The following CWF19L2 variants were observed in gnomAD, a reference collection of about 807,000 sequenced individuals.
The protein encoded by CWF19L2 is CWF19-like protein 2.
Under a neutral mutation model 111.7 loss-of-function variants are expected in CWF19L2, and 98 were observed. That is an observed-to-expected ratio of 0.88 (90% CI 0.75 to 1.04). The LOEUF (loss-of-function observed/expected upper bound fraction) is 1.04. Among genes scored for constraint, CWF19L2 ranks in the 50% least tolerant of loss-of-function variants. The pLI, the probability that CWF19L2 is intolerant of heterozygous loss-of-function variation, is 0.00. For synonymous variants in CWF19L2, 351 were observed against 342.9 expected, an observed-to-expected ratio of 1.02 and a Z score of -0.26; for missense variants, 1,101 against 1,051.4, an observed-to-expected ratio of 1.05 and a Z score of -0.65.
At chr11:107,438,731 C>A (rs748049294) in intron 6 of CWF19L2, among the ~76,000 whole-genome samples, 6 of 152,084 alleles carry the variant, frequency 3.9e-5, no homozygotes, top group Non-Finnish European at 7.4e-5. Context: ...AAACTTGGGT[C>A]ATACACTTAT....
At chr11:107,407,893 T>G (rs989012489) in intron 10 of CWF19L2, among the ~76,000 whole-genome samples, 3 of 152,022 alleles carry the variant, frequency 2.0e-5, no homozygotes, top group Non-Finnish European at 4.4e-5. Flanking sequence ...ATACATCCTA[T>G]AGTCATATGA....
intron 7 of CWF19L2, among the ~76,000 whole-genome samples, chr11:107,430,588 TA>T (rs1424876094): frequency 6.6e-6 from 1 of 152,042 alleles, no homozygotes; most frequent in South Asian, 2.1e-4. Flanking sequence ...GAACAGATGC[TA>T]AAAACCAAAT....
chr11:107,404,934 T>C (rs1861056370), intron 10 of CWF19L2, among the ~76,000 whole-genome samples: 1 of 152,186 alleles, frequency 6.6e-6, no homozygotes, highest in Admixed American at 6.5e-5. Flanking sequence ...ACAGAAATAT[T>C]GAGGAGCTCA....
At chr11:107,380,663 G>T (rs1367937732) in intron 12 of CWF19L2, among the ~76,000 whole-genome samples, 1 of 152,178 alleles carries the variant, frequency 6.6e-6, no homozygotes, top group South Asian at 2.1e-4. Flanking sequence ...AAATAGTTTG[G>T]TGGTTCCTCA....
chr11:107,434,672 C>CAAAAAAAAAA (rs71044301), intron 6 of CWF19L2, among the ~76,000 whole-genome samples: 1 of 115,816 alleles, frequency 8.6e-6, no homozygotes, highest in Non-Finnish European at 1.8e-5. Context: ...TATTACACAG[C>CAAAAAAAAAA]AAAAAAAAAA....
rs576276749 is a variant in CWF19L2, at chr11:107,398,487, C to CA, written c.1618-5593dup. On this transcript the variant is annotated intron_variant, in intron 10 of 17. Transcript: ENST00000282251. ...TAACCCAATCCAACTAAGACAAAGA[C>CA]AAAAAACTAAGAAAATATGAACAAA... is the stretch of plus-strand genomic sequence containing the variant. 9.5e-4 allele frequency among the ~76,000 whole-genome samples: 144 copies of CA among 152,012 alleles called. 2 individuals are homozygous for CA. The highest frequency in any genetic ancestry group is 8.7e-3 in the East Asian group (45 of 5,162).
rs189852288 is a variant in CWF19L2 at position 107,372,554 on chromosome 11, T to A, written c.1872+17520A>T. On this transcript the variant is annotated intron_variant, in intron 12 of 17. Coordinates refer to ENST00000282251, the MANE Select transcript of CWF19L2 (RefSeq NM_152434.3). ...GGTCTTGTTAGGCCACATTTAAAAA[T>A]GTGGTCTTTAGCCTAACAGCAACAA... 2.1e-3 allele frequency among the ~76,000 whole-genome samples: 286 copies of A among 136,732 alleles called. 68 individuals carry two copies. Among genetic ancestry groups the A allele is most frequent in the African/African-American group, 7.8e-3 (266 of 34,070 alleles). The allele number at this position is 136,732 out of a possible 152,430, so 89.7% of individuals were successfully genotyped here.
chr11:107,451,483 G>A (rs747178581), intron 3 of CWF19L2, among the ~76,000 whole-genome samples: 2 of 151,124 alleles, frequency 1.3e-5, no homozygotes, highest in African/African-American at 2.5e-5. Flanking sequence ...CACACAACCA[G>A]AGAAAATTCA....
intron 17 of CWF19L2, 27 bp downstream of exon 17, chr11:107,329,891 G>A (rs1285133767): frequency 2.0e-6 from 3 of 1,478,364 alleles, no homozygotes; most frequent in Non-Finnish European, 2.7e-6. Context: ...TGCTAACTCT[G>A]GGATTTTATC....
chr11:107,402,151 C>T (rs1453962108), intron 10 of CWF19L2, among the ~76,000 whole-genome samples: 1 of 152,072 alleles, frequency 6.6e-6, no homozygotes, highest in Non-Finnish European at 1.5e-5. Flanking sequence ...ACTGGAAAAA[C>T]CCTTCTAGAC....
At chr11:107,330,049 T>C (rs1236874080) in intron 16 of CWF19L2, 30 bp from the exon 17 acceptor site, 26 of 1,394,336 alleles carry the variant, frequency 1.9e-5, no homozygotes, top group Non-Finnish European at 2.4e-5. Context: ...ACAAATGGAA[T>C]ACAGTATGAA....
intron 7 of CWF19L2, among the ~76,000 whole-genome samples, chr11:107,432,316 G>A (rs1003316620): frequency 5.3e-5 from 8 of 151,932 alleles, no homozygotes; most frequent in Non-Finnish European, 1.2e-4. Context: ...AGTGGCTCAC[G>A]CCTGTAATCC....
At chr11:107,399,329 C>T (rs1387868968) in intron 10 of CWF19L2, among the ~76,000 whole-genome samples, 1 of 152,150 alleles carries the variant, frequency 6.6e-6, no homozygotes, top group East Asian at 1.9e-4. Context: ...TCAGGAAACT[C>T]ACCTAACACA....
intron 10 of CWF19L2, among the ~76,000 whole-genome samples, chr11:107,402,891 AT>A (rs1565269794): frequency 3.0e-5 from 4 of 131,780 alleles, no homozygotes; most frequent in East Asian, 4.2e-4. Context: ...ATATATATAT[AT>A]ATATATATAT....
chr11:107,390,276 TTACA>T, intron 11 of CWF19L2, 65 bp from the exon 12 acceptor site: 8 of 1,248,666 alleles, frequency 6.4e-6, no homozygotes, highest in Non-Finnish European at 8.8e-6. Flanking sequence ...TCTTGATGGA[TTACA>T]TAAATATCTG....
intron 4 of CWF19L2, 46 bp downstream of exon 4, chr11:107,442,893 G>A: frequency 8.3e-7 from 1 of 1,206,822 alleles, no homozygotes; most frequent in Non-Finnish European, 1.2e-6. Flanking sequence ...AGGAAGGAAG[G>A]AAGGAAGGAA....
intron 10 of CWF19L2, chr11:107,403,271 T>C (rs1757440934): frequency 2.4e-6 from 1 of 409,188 alleles, no homozygotes; most frequent in Admixed American, 3.8e-5. Context: ...ACTGTATTTA[T>C]CTGCAAAAGA....
chr11:107,347,623 T>G lies in CWF19L2; in HGVS notation c.2202+1314A>C, dbSNP rs1045107038. Among the ~76,000 whole-genome samples, 4 of 152,336 alleles carry G rather than the reference T, an allele frequency of 2.6e-5. No individual in the cohort carries two copies. In the South Asian group the frequency reaches 6.2e-4, roughly 24 times the overall value. On this transcript the variant is annotated intron_variant, in intron 14 of 17. Transcript: ENST00000282251. ...CTTTCGCAGTTTTCCATAGTACACT[T>G]GGTTTCCAAACTCTGCTAAACTATA...
At chr11:107,430,006 T>C (rs1861442272) in intron 7 of CWF19L2, among the ~76,000 whole-genome samples, 1 of 151,914 alleles carries the variant, frequency 6.6e-6, no homozygotes, top group Non-Finnish European at 1.5e-5. Context: ...ACATGAACAA[T>C]TGATTCTAGA....
Sources: allele counts gnomAD v4.1 joint callset (sites outside exome capture counted in the v4.1 genomes callset), GRCh38; gene constraint gnomAD v4.1.1; transcripts MANE v1.5; gene names NCBI Gene and HGNC (gene_info 2026-07-23, HGNC 2026-07-21).